NUP210: variants seen among roughly 807,000 people sequenced by gnomAD.
NUP210 encodes the protein nucleoporin 210, also known as nuclear pore membrane glycoprotein 210.
Under a neutral mutation model 196.0 loss-of-function variants are expected in NUP210, and 151 were observed. That is an observed-to-expected ratio of 0.77 (90% CI 0.67 to 0.88). The LOEUF (loss-of-function observed/expected upper bound fraction) is 0.88, where lower values mean the gene tolerates loss of function less well. Ranked by LOEUF, NUP210 falls within the 40% of genes least tolerant of loss-of-function variation. The pLI, the probability that NUP210 is intolerant of heterozygous loss-of-function variation, is 0.00. For missense variants in NUP210, 2,314 were observed against 2,493.7 expected, an observed-to-expected ratio of 0.93 and a Z score of 1.53; for synonymous variants, 1,070 against 1,052.7, an observed-to-expected ratio of 1.02 and a Z score of -0.32.
intron 36 of NUP210, among the ~76,000 whole-genome samples, chr3:13,321,265 T>C (rs1209283060): frequency 6.6e-6 from 1 of 152,136 alleles, no homozygotes; most frequent in African/African-American, 2.4e-5. Context: ...TGGCAGATGC[T>C]CCTGCACTGA....
intron 17 of NUP210, 87 bp from the exon 18 acceptor site, chr3:13,353,747 T>C: frequency 7.5e-7 from 1 of 1,338,646 alleles, no homozygotes; most frequent in African/African-American, 1.4e-5. Context: ...ATTTGCAGTT[T>C]CGAATCTGAA....
chr3:13,358,182 GT>G, intron 16 of NUP210, 39 bp downstream of exon 16: 1 of 1,561,590 alleles, frequency 6.4e-7, no homozygotes, highest in Middle Eastern at 2.3e-4. Context: ...GCCCAAGCGG[GT>G]GGCACCCTCA....
chr3:13,317,784 AG>A lies in NUP210; in HGVS notation c.5564-4del, dbSNP rs1166504632. The A allele has an allele frequency of 6.2e-7, 1 of 1,600,486 alleles. No homozygotes were observed. The highest frequency in any genetic ancestry group is 8.5e-7 in the Non-Finnish European group (1 of 1,171,612). ...TGTGGGTGATGAGGCAGCGAAATCTAGGGTGGGAAGAGAGACGATGTTAGCA... is the reference window on the plus strand; with the variant it reads ...TGTGGGTGATGAGGCAGCGAAATCTAGGTGGGAAGAGAGACGATGTTAGCA... On this transcript the variant is annotated splice_polypyrimidine_tract_variant and splice_region_variant and intron_variant, in intron 39 of 39. Transcript: ENST00000254508.
At chr3:13,359,255 A>T (rs1244002066) in intron 15 of NUP210, among the ~76,000 whole-genome samples, 1 of 152,226 alleles carries the variant, frequency 6.6e-6, no homozygotes, top group Non-Finnish European at 1.5e-5. Flanking sequence ...TCACATTCTT[A>T]CAGCCCTGAG....
intron 3 of NUP210, 53 bp downstream of exon 3, chr3:13,397,304 G>A (rs1226684855): frequency 2.5e-6 from 4 of 1,576,916 alleles, no homozygotes; most frequent in African/African-American, 2.8e-5. Context: ...GTCATGGTGG[G>A]GGGATGATCT....
At chr3:13,343,369 C>T in intron 20 of NUP210, 66 bp from the exon 21 acceptor site, 1 of 1,569,120 alleles carries the variant, frequency 6.4e-7, no homozygotes. Flanking sequence ...CCCCCCTCTG[C>T]TCAGGTTTGT....
rs1699028299 is a variant in NUP210, at chr3:13,379,380, G to A, written c.976+183C>T. On this transcript the variant is annotated intron_variant, in intron 7 of 39. Coordinates refer to ENST00000254508, the MANE Select transcript of NUP210 (RefSeq NM_024923.4). The surrounding 1 kb of genome is among the most constrained non-coding windows in gnomAD (Gnocchi z 4.2). ...CCTCCCACCGCTGGGAGCCTCTGGG[G>A]TGAGTCACCCACAGCCGTGAGCAAT... Among the ~76,000 whole-genome samples the A allele has an allele frequency of 6.6e-6, 1 of 152,144 alleles. No individual in the cohort carries two copies. The highest frequency in any genetic ancestry group is 6.5e-5 in the Admixed American group (1 of 15,272).
At chr3:13,373,934 A>G in intron 11 of NUP210, 61 bp from the exon 12 acceptor site, 1 of 1,584,738 alleles carries the variant, frequency 6.3e-7, no homozygotes, top group Non-Finnish European at 8.6e-7. Context: ...GGGAAGTCAG[A>G]GGGTCAGAGA....
intron 36 of NUP210, among the ~76,000 whole-genome samples, chr3:13,320,366 G>A (rs1696470674): frequency 6.6e-6 from 1 of 152,206 alleles, no homozygotes; most frequent in Admixed American, 6.5e-5. Flanking sequence ...GGGCGCGGTT[G>A]CTCACGCCTG....
intron 32 of NUP210, among the ~76,000 whole-genome samples, chr3:13,326,980 C>T (rs764493896): frequency 1.3e-5 from 2 of 152,262 alleles, no homozygotes; most frequent in East Asian, 3.8e-4. Context: ...GTGACAACAG[C>T]CACTGACCAT....
In NUP210 at chr3:13,323,563, A is replaced by C. The variant is rs1212628682; in HGVS notation, c.4645-131T>G. 9.7e-7 allele frequency: 1 copy of C among 1,034,178 alleles called. No individual in the cohort carries two copies. The highest frequency in any genetic ancestry group is 1.4e-6 in the Non-Finnish European group (1 of 710,312). 64.1% of individuals were successfully genotyped at this position (1,034,178 alleles called of 1,614,324 possible). On this transcript the variant is annotated intron_variant, in intron 33 of 39. Transcript: ENST00000254508. The surrounding 1 kb of genome is among the most constrained non-coding windows in gnomAD (Gnocchi z 4.3). The stretch of plus-strand genomic sequence containing the variant: ...TTCACAGGTGGCAACACTGAGGCTC[A>C]AAGCCTAAACGCCTTGCTAGAATGT...
rs145668040 is a variant in NUP210, at chr3:13,372,404, T to C, written c.1588-372A>G. On this transcript the variant is annotated intron_variant, in intron 12 of 39. Coordinates refer to ENST00000254508, the MANE Select transcript of NUP210 (RefSeq NM_024923.4). Reference sequence around the variant, plus strand: ...TGGAAAGAGACGGGGCTGGCAACCATGGTGAGGAATCAGTGTTTACTGTGG... The same window carrying C: ...TGGAAAGAGACGGGGCTGGCAACCACGGTGAGGAATCAGTGTTTACTGTGG... Among the ~76,000 whole-genome samples the C allele has an allele frequency of 4.0e-3, 606 of 152,184 alleles. 3 individuals carry two copies. Among genetic ancestry groups the C allele is most frequent in the African/African-American group, 0.014 (580 of 41,540 alleles).
chr3:13,396,188 T>C (rs575126646), intron 3 of NUP210, among the ~76,000 whole-genome samples: 2 of 152,306 alleles, frequency 1.3e-5, no homozygotes, highest in African/African-American at 4.8e-5. Flanking sequence ...ATCTAGTACG[T>C]AGAGGCCTGG....
chr3:13,356,947 G>C (rs1698189691), intron 16 of NUP210, among the ~76,000 whole-genome samples: 1 of 152,230 alleles, frequency 6.6e-6, no homozygotes, highest in African/African-American at 2.4e-5. Flanking sequence ...GCTAAGGACA[G>C]GGAAGATGCA....
chr3:13,391,667 A>G (rs752052790), intron 3 of NUP210, among the ~76,000 whole-genome samples: 1 of 144,380 alleles, frequency 6.9e-6, no homozygotes. Context: ...GTCTGCTCGG[A>G]AACCTGGGCC....
At chr3:13,391,134 C>T (rs969226602) in intron 4 of NUP210, 77 bp downstream of exon 4, 44 of 997,228 alleles carry the variant, frequency 4.4e-5, no homozygotes, top group Middle Eastern at 2.3e-4. Context: ...GAAAGCCCCC[C>T]GCTGGTGAGG....
At chr3:13,387,735 C>A (rs1166927003) in intron 5 of NUP210, among the ~76,000 whole-genome samples, 2 of 152,178 alleles carry the variant, frequency 1.3e-5, no homozygotes, top group East Asian at 3.8e-4. Flanking sequence ...GGAACCAGGA[C>A]GTTGGATAGA....
intron 14 of NUP210, among the ~76,000 whole-genome samples, chr3:13,363,720 G>A (rs55924037): frequency 0.035 from 5,339 of 152,276 alleles, 301 homozygotes; most frequent in African/African-American, 0.12. Context: ...TAACTAGGAA[G>A]GAGACAGATG....
chr3:13,370,991 G>T (rs887249907), intron 13 of NUP210, among the ~76,000 whole-genome samples: 2 of 152,210 alleles, frequency 1.3e-5, no homozygotes, highest in Admixed American at 1.3e-4. Flanking sequence ...AGGCACCACG[G>T]ACTGCCCACC....
Sources: gnomAD v4.1 joint callset for allele counts (sites outside exome capture counted in the v4.1 genomes callset) on GRCh38, gnomAD v4.1.1 for gene constraint, Gnocchi (gnomAD v3.1) non-coding constraint, MANE v1.5 for transcripts, NCBI Gene and HGNC (gene_info 2026-07-23, HGNC 2026-07-21) for gene names.